Variants in TMTC1 observed in about 807,000 individuals in gnomAD.
TMTC1 encodes the protein transmembrane O-mannosyltransferase targeting cadherins 1, also known as protein O-mannosyl-transferase TMTC1.
TMTC1 carries 73 observed loss-of-function variants against 104.8 expected under a neutral mutation model. That is an observed-to-expected ratio of 0.70 (90% CI 0.58 to 0.85). The LOEUF (loss-of-function observed/expected upper bound fraction) is 0.85, where lower values mean the gene tolerates loss of function less well. TMTC1 is among the 40% of genes least tolerant of loss of function. The pLI, the probability that TMTC1 is intolerant of heterozygous loss-of-function variation, is 0.00. For missense variants in TMTC1, 1,035 were observed against 1,096.1 expected, an observed-to-expected ratio of 0.94 and a Z score of 0.79; for synonymous variants, 434 against 428.7, an observed-to-expected ratio of 1.01 and a Z score of -0.15.
At chr12:29,648,764 T>C (rs562895790) in intron 5 of TMTC1, among the ~76,000 whole-genome samples, 1 of 152,316 alleles carries the variant, frequency 6.6e-6, no homozygotes, top group South Asian at 2.1e-4. Flanking sequence ...ACATGATGAA[T>C]TAGTTTCGGA....
chr12:29,686,296 C>T (rs1941092133), intron 5 of TMTC1, among the ~76,000 whole-genome samples: 1 of 152,192 alleles, frequency 6.6e-6, no homozygotes, highest in Admixed American at 6.5e-5. Context: ...CTTTCACTAA[C>T]ATATTTTATT....
At chr12:29,545,639 A>T (rs898468551) in intron 10 of TMTC1, among the ~76,000 whole-genome samples, 20 of 112,174 alleles carry the variant, frequency 1.8e-4, no homozygotes, top group African/African-American at 5.2e-4. Flanking sequence ...TCACACACAC[A>T]CACACACACA....
At chr12:29,520,811 AAT>A in intron 11 of TMTC1, 91 bp from the exon 12 acceptor site, 1 of 1,024,290 alleles carries the variant, frequency 9.8e-7, no homozygotes, top group South Asian at 1.5e-5. Context: ...GCAAAAAAAA[AAT>A]AAATCTTACT....
At chr12:29,683,206 G>A (rs1310006228) in intron 5 of TMTC1, among the ~76,000 whole-genome samples, 2 of 152,104 alleles carry the variant, frequency 1.3e-5, no homozygotes, top group Non-Finnish European at 2.9e-5. Context: ...TGAATTACCA[G>A]AACTCCTGGC....
At chr12:29,554,560 A>G (rs1945188520) in intron 10 of TMTC1, among the ~76,000 whole-genome samples, 2 of 152,192 alleles carry the variant, frequency 1.3e-5, no homozygotes, top group Admixed American at 1.3e-4. Flanking sequence ...TAAAACCTAT[A>G]TTGTGCTATA....
intron 5 of TMTC1, among the ~76,000 whole-genome samples, chr12:29,715,047 C>A (rs112735631): frequency 0.011 from 1,651 of 152,274 alleles, 32 homozygotes; most frequent in African/African-American, 0.037. Flanking sequence ...ATGATAAATT[C>A]TCTCAGGGCA....
chr12:29,695,815 ATATATATATAT>A (rs1565775635), intron 5 of TMTC1, among the ~76,000 whole-genome samples: 5,859 of 109,590 alleles, frequency 0.053, 271 homozygotes, highest in Middle Eastern at 0.098. Context: ...ATATATATAT[ATATATATATAT>A]ATAACCTGTC....
chr12:29,609,051 C>T (rs1946775895), intron 6 of TMTC1, among the ~76,000 whole-genome samples: 2 of 152,158 alleles, frequency 1.3e-5, no homozygotes, highest in Admixed American at 6.5e-5. Flanking sequence ...ATGATACACA[C>T]CGCAGGCTGT....
At chr12:29,518,105 G>C (rs1944042783) in intron 13 of TMTC1, among the ~76,000 whole-genome samples, 1 of 152,142 alleles carries the variant, frequency 6.6e-6, no homozygotes, top group Non-Finnish European at 1.5e-5. Flanking sequence ...TGAGCCCCAA[G>C]GGTCTTTCTC....
chr12:29,701,366 G>A (rs1002031591), intron 5 of TMTC1, among the ~76,000 whole-genome samples: 3 of 152,300 alleles, frequency 2.0e-5, no homozygotes, highest in African/African-American at 7.2e-5. Context: ...TAGTGACTGA[G>A]CAAGGCTGGG....
intron 5 of TMTC1, among the ~76,000 whole-genome samples, chr12:29,652,384 C>T (rs1305931111): frequency 6.6e-6 from 1 of 152,208 alleles, no homozygotes; most frequent in Non-Finnish European, 1.5e-5. Flanking sequence ...TATCACTGCA[C>T]TGTGTGGGTC....
intron 12 of TMTC1, 81 bp from the exon 13 acceptor site, chr12:29,518,688 A>G (rs994357816): frequency 3.4e-5 from 51 of 1,513,658 alleles, no homozygotes; most frequent in Non-Finnish European, 4.2e-5. Flanking sequence ...CTTCTGACTT[A>G]TAATTCTTTC....
intron 7 of TMTC1, among the ~76,000 whole-genome samples, chr12:29,601,889 G>A (rs1028741572): frequency 1.8e-4 from 26 of 147,588 alleles, no homozygotes; most frequent in African/African-American, 6.0e-4. Context: ...AGGCTGGAGT[G>A]CAGTGGCGCG....
rs997052621 is a variant in TMTC1, at chr12:29,568,279, G to A, written c.1532+3826C>T. ...AGAAAAGAGCCTGGTCTTGCAAAGCGATAAAATTTAAGTGTGAAGAGGAAT... is the reference window on the plus strand; with the variant it reads ...AGAAAAGAGCCTGGTCTTGCAAAGCAATAAAATTTAAGTGTGAAGAGGAAT... On this transcript the variant is annotated intron_variant, in intron 9 of 17. Transcript: ENST00000539277. Among the ~76,000 whole-genome samples, 9 of 152,192 alleles carry A rather than the reference G, an allele frequency of 5.9e-5. No individual in the cohort carries two copies. The East Asian group carries it at 7.7e-4, about 13-fold the overall frequency.
intron 16 of TMTC1, among the ~76,000 whole-genome samples, chr12:29,512,857 C>G (rs943594213): frequency 6.6e-6 from 1 of 152,180 alleles, no homozygotes; most frequent in Admixed American, 6.5e-5. Flanking sequence ...AATAAAGCCA[C>G]AGGTTAAGGG....
intron 6 of TMTC1, among the ~76,000 whole-genome samples, chr12:29,621,143 A>C (rs552400008): frequency 9.8e-5 from 15 of 152,370 alleles, no homozygotes; most frequent in South Asian, 2.1e-4. Context: ...AGGCCAGAGG[A>C]AAAAAGAAAA....
chr12:29,682,219 C>T (rs1940941507), intron 5 of TMTC1, among the ~76,000 whole-genome samples: 1 of 152,124 alleles, frequency 6.6e-6, no homozygotes, highest in South Asian at 2.1e-4. Context: ...TAACCACCTA[C>T]TAGAACAGCT....
In TMTC1 at chr12:29,514,551, G is replaced by T. The variant is rs140405853; in HGVS notation, c.2361C>A (p.Val787=). The T allele has an allele frequency of 6.2e-6, 10 of 1,614,020 alleles. No homozygotes were observed. In the African/African-American group the frequency reaches 9.3e-5, roughly 15 times the overall value. Residue 787 remains valine (V), a synonymous_variant, in exon 16 of 18, where the codon GTC becomes GTA. Transcript: ENST00000539277. The part of the protein sequence containing the change: ...ALQLKPKDPK[V]ISELFFTKGN... The stretch of plus-strand genomic sequence containing the variant: ...CTTTTGTGAAAAAAAGTTCAGAAAT[G>T]ACTTTTGGGTCCTTTGGTTTCAGCT...
At chr12:29,724,235 TAA>T (rs1251499757) in intron 5 of TMTC1, among the ~76,000 whole-genome samples, 3 of 152,230 alleles carry the variant, frequency 2.0e-5, no homozygotes, top group Non-Finnish European at 4.4e-5. Flanking sequence ...TTGAAAATGT[TAA>T]AGTCTGATAT....
Sources: allele counts gnomAD v4.1 joint callset (sites outside exome capture counted in the v4.1 genomes callset), GRCh38; gene constraint gnomAD v4.1.1; transcripts MANE v1.5; gene names NCBI Gene and HGNC (gene_info 2026-07-23, HGNC 2026-07-21).